The following MFAP3L variants were observed in gnomAD, a reference collection of about 807,000 sequenced individuals.
The protein encoded by MFAP3L is microfibrillar-associated protein 3-like.
Under a neutral mutation model 20.0 loss-of-function variants are expected in MFAP3L, and 5 were observed. That is an observed-to-expected ratio of 0.25 (90% CI 0.13 to 0.53). MFAP3L has a LOEUF of 0.53. MFAP3L is among the 20% of genes least tolerant of loss of function. The pLI, the probability that MFAP3L is intolerant of heterozygous loss-of-function variation, is 0.96. For synonymous variants in MFAP3L, 219 were observed against 213.0 expected (o/e 1.03, Z -0.25); for missense variants, 409 against 527.5 (o/e 0.78, Z 2.20).
intron 1 of MFAP3L, among the ~76,000 whole-genome samples, chr4:170,016,718 A>T (rs1189440297): frequency 6.6e-6 from 1 of 152,218 alleles, no homozygotes; most frequent in Non-Finnish European, 1.5e-5. Flanking sequence ...TATGCCCTCT[A>T]AGATAGACCT....
At chr4:170,003,697 G>A in intron 2 of MFAP3L, 1 of 985,444 alleles carries the variant, frequency 1.0e-6, no homozygotes. Flanking sequence ...ATGTAAAAGG[G>A]AGATCCAGGT....
At chr4:169,996,652 T>C (rs1409022608) in intron 2 of MFAP3L, among the ~76,000 whole-genome samples, 2 of 152,136 alleles carry the variant, frequency 1.3e-5, no homozygotes, top group Admixed American at 6.5e-5. Flanking sequence ...GAGAGAACAC[T>C]GTGAGCCGCT....
rs1164897172 is a variant in MFAP3L, at chr4:169,989,904, A to C, written c.*1474T>G. On this transcript the variant is annotated 3_prime_UTR_variant, in exon 3 of 3. Transcript: ENST00000361618. ...AGATCCACAATTTGTTTAAAATGCT[A>C]TTTCTCAAAACCAACATTCTTATTT... 3 of 152,250 alleles carry C rather than the reference A, an allele frequency of 2.0e-5. No homozygotes were observed. Among genetic ancestry groups the C allele is most frequent in the African/African-American group, 7.2e-5 (3 of 41,456 alleles). The allele number at this position is 152,250 out of a possible 1,614,324, so 9.4% of individuals were successfully genotyped here.
rs1250998386 is a variant in MFAP3L at position 169,987,756 on chromosome 4, A to G, written c.*3622T>C. Reference sequence around the variant, plus strand: ...GAGCTGAGCAGATCCTAGATCACCAATAAATAAAGATCCAAGCATGAGACT... The same window carrying G: ...GAGCTGAGCAGATCCTAGATCACCAGTAAATAAAGATCCAAGCATGAGACT... On this transcript the variant is annotated 3_prime_UTR_variant, in exon 3 of 3. Transcript: ENST00000361618. 6.6e-6 allele frequency: 1 copy of G among 152,178 alleles called. No individual in the cohort carries two copies. The highest frequency in any genetic ancestry group is 1.5e-5 in the Non-Finnish European group (1 of 68,032). 9.4% of individuals were successfully genotyped at this position (152,178 alleles called of 1,614,324 possible).
intron 2 of MFAP3L, chr4:170,003,746 T>C: frequency 8.1e-6 from 8 of 985,428 alleles, no homozygotes; most frequent in Non-Finnish European, 9.6e-6. Context: ...CACCGTGGGT[T>C]CCCTAGCGAT....
intron 2 of MFAP3L, among the ~76,000 whole-genome samples, chr4:169,997,008 G>C (rs1738225341): frequency 6.6e-6 from 1 of 152,128 alleles, no homozygotes; most frequent in South Asian, 2.1e-4. Flanking sequence ...TAAATCAGTG[G>C]AGGAAACCTG....
intron 1 of MFAP3L, among the ~76,000 whole-genome samples, chr4:170,014,138 CTTTT>C (rs1739555430): frequency 6.6e-6 from 1 of 152,182 alleles, no homozygotes; most frequent in Non-Finnish European, 1.5e-5. Context: ...TGCTGTCTTT[CTTTT>C]CATTAGAATA....
chr4:169,997,822 A>G, intron 2 of MFAP3L: 1 of 804,958 alleles, frequency 1.2e-6, no homozygotes, highest in Non-Finnish European at 1.4e-6. Flanking sequence ...TTTTTTTAAT[A>G]TTGCTGAGAA....
At chr4:170,012,960 AT>A (rs781028158) in intron 1 of MFAP3L, among the ~76,000 whole-genome samples, 9 of 149,882 alleles carry the variant, frequency 6.0e-5, no homozygotes, top group African/African-American at 7.3e-5. Flanking sequence ...TTATGCTGTT[AT>A]TTTTTTTTTG....
intron 1 of MFAP3L, 101 bp downstream of exon 1, chr4:170,026,133 G>C: frequency 1.4e-6 from 1 of 691,960 alleles, no homozygotes; most frequent in Non-Finnish European, 1.8e-6. Flanking sequence ...CCAAACACCC[G>C]AAAGTTCGGC....
intron 1 of MFAP3L, among the ~76,000 whole-genome samples, chr4:170,021,151 T>G (rs1740011377): frequency 6.6e-6 from 1 of 152,094 alleles, no homozygotes; most frequent in South Asian, 2.1e-4. Context: ...TGGGAATAGC[T>G]AAGGGCACAG....
rs1255875073 is a variant in MFAP3L, at chr4:169,992,730, A to C, written c.299-421T>G. On this transcript the variant is annotated intron_variant, in intron 2 of 2. Coordinates refer to ENST00000361618, the MANE Select transcript of MFAP3L (RefSeq NM_021647.8). This position sits in a 1 kb window ranked among gnomAD's most constrained non-coding sequence, Gnocchi z 4.3. ...CTGTGCTCTTATTGAAGAGTTCCTTAACTTTAAAAGCAACTGGTTCTCTAA... is the reference window on the plus strand; with the variant it reads ...CTGTGCTCTTATTGAAGAGTTCCTTCACTTTAAAAGCAACTGGTTCTCTAA... Among the ~76,000 whole-genome samples, 3 of 152,242 alleles carry C rather than the reference A, an allele frequency of 2.0e-5. No homozygotes were observed. The highest frequency in any genetic ancestry group is 6.5e-5 in the Admixed American group (1 of 15,288).
chr4:170,015,499 T>C (rs1739644082), intron 1 of MFAP3L, among the ~76,000 whole-genome samples: 2 of 152,236 alleles, frequency 1.3e-5, no homozygotes, highest in African/African-American at 4.8e-5. Flanking sequence ...AGACACAGCT[T>C]GTGCGCCACG....
intron 2 of MFAP3L, among the ~76,000 whole-genome samples, chr4:170,001,286 G>A (rs965586030): frequency 6.6e-6 from 1 of 152,104 alleles, no homozygotes; most frequent in Non-Finnish European, 1.5e-5. Context: ...CAAAAGTAGA[G>A]GGATAAAAAC....
chr4:169,995,753 G>A (rs1483010533), intron 2 of MFAP3L, among the ~76,000 whole-genome samples: 1 of 152,154 alleles, frequency 6.6e-6, no homozygotes, highest in Non-Finnish European at 1.5e-5. Flanking sequence ...CAGTCCCCAT[G>A]TATTTTAAAC....
intron 2 of MFAP3L, among the ~76,000 whole-genome samples, chr4:169,998,449 G>A (rs1021883928): frequency 9.9e-5 from 15 of 152,200 alleles, no homozygotes; most frequent in African/African-American, 3.4e-4. Context: ...AAGAATCACA[G>A]GGAAAGTGAG....
In MFAP3L at chr4:170,002,283, T is replaced by A. The variant is rs1012192514; in HGVS notation, c.298+3297A>T. The stretch of plus-strand genomic sequence containing the variant: ...GAATGAATACCCGCTGGCCACACTC[T>A]GGTTGTGTCATACCCTCTGGTTTCA... On this transcript the variant is annotated intron_variant, in intron 2 of 2. Coordinates refer to ENST00000361618, the MANE Select transcript of MFAP3L (RefSeq NM_021647.8). The A allele has an allele frequency of 4.1e-6, 4 of 983,330 alleles. No individual in the cohort carries two copies. In the African/African-American group the frequency reaches 7.0e-5, roughly 17 times the overall value. The allele number at this position is 983,330 out of a possible 1,614,324, so 60.9% of individuals were successfully genotyped here.
chr4:169,994,389 A>T (rs1406776778), intron 2 of MFAP3L: 1 of 984,910 alleles, frequency 1.0e-6, no homozygotes, highest in African/African-American at 1.7e-5. Context: ...CACTAACAAG[A>T]CAGGCATCTG....
chr4:170,022,656 T>C (rs2111081223), intron 1 of MFAP3L, among the ~76,000 whole-genome samples: 1 of 152,278 alleles, frequency 6.6e-6, no homozygotes, highest in African/African-American at 2.4e-5. Flanking sequence ...GTGGGCCCAA[T>C]GTAATCACAA....
Sources: gnomAD v4.1 joint callset for allele counts (sites outside exome capture counted in the v4.1 genomes callset) on GRCh38, gnomAD v4.1.1 for gene constraint, Gnocchi (gnomAD v3.1) non-coding constraint, MANE v1.5 for transcripts, NCBI Gene and HGNC (gene_info 2026-07-23, HGNC 2026-07-21) for gene names.